Variants in MAL2 observed in about 807,000 individuals in gnomAD.
MAL2 encodes the protein protein MAL2.
MAL2 carries 17 observed loss-of-function variants against 18.1 expected under a neutral mutation model. The ratio of observed to expected loss-of-function variants is 0.94; its 90% CI spans 0.64 to 1.41. The LOEUF (loss-of-function observed/expected upper bound fraction) is 1.41, where lower values mean the gene tolerates loss of function less well. MAL2 is among the 40% of genes most tolerant of loss of function. MAL2 has a pLI of 0.00. For missense variants in MAL2, 222 were observed against 231.9 expected (o/e 0.96, Z 0.28); for synonymous variants, 102 against 102.3 (o/e 1.00, Z 0.02).
chr8:119,208,845 C>T lies in MAL2; in HGVS notation c.132+241C>T. ...GGCGACGGAAATTGCCTGGGGAGGG[C>T]GAGTAGGCGGCCCGGCAGGGCCGAA... On this transcript the variant is annotated intron_variant, in intron 1 of 3. Coordinates refer to ENST00000614891, the MANE Select transcript of MAL2 (RefSeq NM_052886.3). This position sits in a 1 kb window ranked among gnomAD's most constrained non-coding sequence, Gnocchi z 4.3. 1.1e-5 allele frequency: 5 copies of T among 466,324 alleles called. No individual in the cohort carries two copies. Among genetic ancestry groups the T allele is most frequent in the Non-Finnish European group, 1.6e-5 (5 of 306,182 alleles). The allele number at this position is 466,324 out of a possible 1,614,324, so 28.9% of individuals were successfully genotyped here.
At chr8:119,223,146 GT>G (rs1393907311) in intron 2 of MAL2, 1 of 152,134 alleles carries the variant, frequency 6.6e-6, no homozygotes, top group Non-Finnish European at 1.5e-5. Flanking sequence ...ATCTGTTCTT[GT>G]TTTATTTATA....
At chr8:119,231,590 G>A (rs888082299) in intron 2 of MAL2, among the ~76,000 whole-genome samples, 1 of 152,082 alleles carries the variant, frequency 6.6e-6, no homozygotes, top group African/African-American at 2.4e-5. Flanking sequence ...GCAATCCCAC[G>A]CCTGGGTATA....
At chr8:119,237,683 A>G (rs1432422486) in intron 2 of MAL2, among the ~76,000 whole-genome samples, 1 of 151,846 alleles carries the variant, frequency 6.6e-6, no homozygotes, top group East Asian at 1.9e-4. Context: ...GCCAAAGACA[A>G]AAACCACATG....
chr8:119,239,608 A>G (rs531175743), intron 2 of MAL2, among the ~76,000 whole-genome samples: 139 of 151,998 alleles, frequency 9.1e-4, no homozygotes, highest in African/African-American at 3.2e-3. Flanking sequence ...TGATGAGTTC[A>G]TGGCCTTTGT....
intron 2 of MAL2, among the ~76,000 whole-genome samples, chr8:119,231,461 C>T (rs11996164): frequency 9.2e-5 from 14 of 152,222 alleles, no homozygotes; most frequent in Admixed American, 7.9e-4. Flanking sequence ...TAGGAAAGAA[C>T]GTAGACTTCA....
intron 1 of MAL2, among the ~76,000 whole-genome samples, chr8:119,210,480 G>A (rs1427513375): frequency 1.3e-5 from 2 of 151,146 alleles, no homozygotes; most frequent in African/African-American, 4.9e-5. Context: ...TTAATAACTT[G>A]AACAGCTTTT....
In MAL2 at chr8:119,208,868, G is replaced by C; in HGVS notation, c.132+264G>C. ...GGCGAGTAGGCGGCCCGGCAGGGCC[G>C]AACATTGGGGACGTGGAGGAAAGAA... On this transcript the variant is annotated intron_variant, in intron 1 of 3. Transcript: ENST00000614891. The surrounding 1 kb of genome is among the most constrained non-coding windows in gnomAD (Gnocchi z 4.3). 2.9e-6 allele frequency: 1 copy of C among 340,168 alleles called. No homozygotes were observed. Among genetic ancestry groups the C allele is most frequent in the Non-Finnish European group, 5.0e-6 (1 of 199,910 alleles). 21.1% of individuals were successfully genotyped at this position (340,168 alleles called of 1,614,324 possible).
chr8:119,235,231 G>A lies in MAL2; in HGVS notation c.304-4934G>A, dbSNP rs201945356. Among the ~76,000 whole-genome samples, 77 of 151,982 alleles carry A rather than the reference G, an allele frequency of 5.1e-4. 1 individual carries two copies. The East Asian group carries it at 5.8e-3, about 11-fold the overall frequency. On this transcript the variant is annotated intron_variant, in intron 2 of 3. Transcript: ENST00000614891. The stretch of plus-strand genomic sequence containing the variant: ...TCAGCAATAGAAGATGAAATGAAGC[G>A]AGAAGGGAAGTTTAGAGAAAAAAGA...
intron 3 of MAL2, among the ~76,000 whole-genome samples, chr8:119,241,678 A>G (rs1031172914): frequency 9.9e-5 from 15 of 152,170 alleles, no homozygotes; most frequent in Admixed American, 5.9e-4. Flanking sequence ...GATTTGTCAA[A>G]ATTTATTGAG....
At position 119,243,699 on chromosome 8, in the gene MAL2, C is replaced by G. The variant is rs1818096068; in HGVS notation, c.*211C>G. Reference sequence around the variant, plus strand: ...AGAAATGGCCTTTTATTTTACATCTCTCCCCTTTTTCCCTTTCCCCCTTTA... The same window carrying G: ...AGAAATGGCCTTTTATTTTACATCTGTCCCCTTTTTCCCTTTCCCCCTTTA... On this transcript the variant is annotated 3_prime_UTR_variant, in exon 4 of 4. Transcript: ENST00000614891. 2.6e-6 allele frequency: 1 copy of G among 390,792 alleles called. No individual in the cohort carries two copies. 24.2% of individuals were successfully genotyped at this position (390,792 alleles called of 1,614,324 possible).
At chr8:119,236,891 G>A (rs576559294) in intron 2 of MAL2, among the ~76,000 whole-genome samples, 42 of 150,128 alleles carry the variant, frequency 2.8e-4, no homozygotes, top group African/African-American at 1.0e-3. Context: ...AACTAGAAAA[G>A]CAAGAGCAAA....
intron 2 of MAL2, among the ~76,000 whole-genome samples, chr8:119,229,930 C>T (rs1230065614): frequency 6.6e-6 from 1 of 152,186 alleles, no homozygotes; most frequent in East Asian, 1.9e-4. Flanking sequence ...CCTGCTCTTG[C>T]AGTTACCTCT....
intron 1 of MAL2, among the ~76,000 whole-genome samples, chr8:119,211,136 C>T (rs1330925364): frequency 6.6e-6 from 1 of 152,174 alleles, no homozygotes. Flanking sequence ...AACTTAGCTC[C>T]TAGATGTCTC....
At chr8:119,221,073 A>G (rs1403895541) in intron 1 of MAL2, 2 of 154,520 alleles carry the variant, frequency 1.3e-5, no homozygotes, top group Non-Finnish European at 2.9e-5. Context: ...TTTATTGTTT[A>G]CCGCCATATA....
At chr8:119,234,178 G>C (rs191666772) in intron 2 of MAL2, among the ~76,000 whole-genome samples, 19 of 152,300 alleles carry the variant, frequency 1.2e-4, no homozygotes, top group African/African-American at 4.1e-4. Flanking sequence ...TTCCCTTTCC[G>C]AGTCAAAGAA....
At position 119,231,919 on chromosome 8, in the gene MAL2, G is replaced by A. The variant is rs142660878; in HGVS notation, c.304-8246G>A. Reference sequence around the variant, plus strand: ...GGTGATTACCAGGGTATGGGGTGATGGGGGACTGGGGAAATGTTGGTCAAA... The same window carrying A: ...GGTGATTACCAGGGTATGGGGTGATAGGGGACTGGGGAAATGTTGGTCAAA... On this transcript the variant is annotated intron_variant, in intron 2 of 3. Transcript: ENST00000614891. Among the ~76,000 whole-genome samples the A allele has an allele frequency of 8.0e-4, 122 of 152,244 alleles. 1 individual carries two copies. The highest frequency in any genetic ancestry group is 6.8e-3 in the Middle Eastern group (2 of 294).
intron 2 of MAL2, among the ~76,000 whole-genome samples, chr8:119,236,309 C>A (rs1298798059): frequency 2.1e-5 from 3 of 146,242 alleles, no homozygotes; most frequent in African/African-American, 7.8e-5. Flanking sequence ...CCTGAGTGAC[C>A]TACAAAGAGA....
chr8:119,226,408 C>T (rs186995513), intron 2 of MAL2, among the ~76,000 whole-genome samples: 250 of 148,734 alleles, frequency 1.7e-3, no homozygotes, highest in African/African-American at 5.9e-3. Flanking sequence ...CCTTTCCCCC[C>T]CTTTTTTTTT....
intron 3 of MAL2, among the ~76,000 whole-genome samples, chr8:119,242,087 C>T (rs570481941): frequency 1.8e-4 from 27 of 152,268 alleles, no homozygotes; most frequent in African/African-American, 5.5e-4. Context: ...TTCTTACTTC[C>T]AGTCCCTTCA....
Sources: gnomAD v4.1 joint callset for allele counts (sites outside exome capture counted in the v4.1 genomes callset) on GRCh38, gnomAD v4.1.1 for gene constraint, Gnocchi (gnomAD v3.1) non-coding constraint, MANE v1.5 for transcripts, NCBI Gene and HGNC (gene_info 2026-07-23, HGNC 2026-07-21) for gene names.